The following DLGAP2 variants were observed in gnomAD, a reference collection of about 807,000 sequenced individuals.
The protein encoded by DLGAP2 is disks large-associated protein 2.
In DLGAP2, 26 loss-of-function variants were observed where a neutral mutation model predicts 100.3. The observed-to-expected ratio is 0.26, with a 90% CI of 0.19 to 0.36. DLGAP2 has a LOEUF of 0.36. Ranked by LOEUF, DLGAP2 falls within the 10% of genes least tolerant of loss-of-function variation. The pLI, the probability that DLGAP2 is intolerant of heterozygous loss-of-function variation, is 1.00. For synonymous variants in DLGAP2, 886 were observed against 630.1 expected (o/e 1.41, Z -6.08); for missense variants, 1,858 against 1,453.2 (o/e 1.28, Z -4.53).
intron 2 of DLGAP2, among the ~76,000 whole-genome samples, chr8:1,230,538 C>T (rs569548424): frequency 6.6e-6 from 1 of 152,232 alleles, no homozygotes; most frequent in East Asian, 1.9e-4. Context: ...AACCAAAAAG[C>T]TCGAATAGCC....
At position 923,567 on chromosome 8, in the gene DLGAP2, A is replaced by G. The variant is rs144807955; in HGVS notation, c.73+15601A>G. ...TTAGGATATTCGCTAAGAAGGAAAC[A>G]GGGGGTGACGTTTAAGTGTATCTTT... On this transcript the variant is annotated intron_variant, in intron 2 of 14. Coordinates refer to ENST00000637795, the MANE Select transcript of DLGAP2 (RefSeq NM_001346810.2). Among the ~76,000 whole-genome samples the G allele has an allele frequency of 1.5e-3, 233 of 151,728 alleles. 3 individuals carry two copies. The highest frequency in any genetic ancestry group is 5.3e-3 in the African/African-American group (218 of 41,104).
At position 1,653,300 on chromosome 8, in the gene DLGAP2, G is replaced by T. The variant is rs553980806; in HGVS notation, c.1811-15029G>T. Among the ~76,000 whole-genome samples, 37 of 152,302 alleles carry T rather than the reference G, an allele frequency of 2.4e-4. 2 individuals are homozygous for T. The South Asian group carries it at 7.1e-3, about 29-fold the overall frequency. ...CATTGGTTCTTGGTGCTGGCCCTGC[G>T]GGTGGGGTAGGGAGCCGACAATCCT... On this transcript the variant is annotated intron_variant, in intron 8 of 14. Coordinates refer to ENST00000637795, the MANE Select transcript of DLGAP2 (RefSeq NM_001346810.2).
intron 3 of DLGAP2, among the ~76,000 whole-genome samples, chr8:1,348,653 C>G (rs920670860): frequency 6.6e-6 from 1 of 152,206 alleles, no homozygotes; most frequent in Admixed American, 6.5e-5. Flanking sequence ...CTGCATTGCT[C>G]TCATGGTGGC....
intron 2 of DLGAP2, among the ~76,000 whole-genome samples, chr8:1,142,033 T>C (rs1369719796): frequency 2.0e-5 from 3 of 151,982 alleles, no homozygotes; most frequent in African/African-American, 7.2e-5. Flanking sequence ...TTCTGCTTTT[T>C]AGATGATTCA....
At chr8:1,599,498 C>T (rs140921740) in intron 6 of DLGAP2, among the ~76,000 whole-genome samples, 7 of 152,228 alleles carry the variant, frequency 4.6e-5, no homozygotes, top group African/African-American at 1.7e-4. Flanking sequence ...GAGTCTAAGT[C>T]TCTTTGTAGG....
At chr8:1,237,715 A>G (rs1229653618) in intron 2 of DLGAP2, among the ~76,000 whole-genome samples, 2,274 of 23,116 alleles carry the variant, frequency 0.098, 1 homozygote, top group Middle Eastern at 0.21. Context: ...ACATGGTGCC[A>G]TGTCTAGTTC....
intron 3 of DLGAP2, among the ~76,000 whole-genome samples, chr8:1,305,263 A>G (rs750854448): frequency 2.0e-5 from 3 of 152,194 alleles, no homozygotes; most frequent in Non-Finnish European, 4.4e-5. Flanking sequence ...GAGAGACAGC[A>G]TATGTGAGGT....
intron 2 of DLGAP2, among the ~76,000 whole-genome samples, chr8:1,243,208 G>A (rs77626393): frequency 0.04 from 6,129 of 152,260 alleles, 273 homozygotes; most frequent in African/African-American, 0.1. Flanking sequence ...GTGAGGACCC[G>A]CCTGGCCTTC....
chr8:1,492,722 AG>A (rs374446599), intron 3 of DLGAP2, among the ~76,000 whole-genome samples: 7 of 152,288 alleles, frequency 4.6e-5, no homozygotes, highest in African/African-American at 1.7e-4. Context: ...ACTTCCAACC[AG>A]GCACCTTCCC....
intron 3 of DLGAP2, among the ~76,000 whole-genome samples, chr8:1,408,371 A>G (rs1452732943): frequency 1.3e-5 from 2 of 152,144 alleles, no homozygotes; most frequent in African/African-American, 2.4e-5. Flanking sequence ...TCAGGGGAGA[A>G]ATCAGTTCCA....
chr8:1,110,812 C>T lies in DLGAP2; in HGVS notation c.74-148039C>T, dbSNP rs571841098. On this transcript the variant is annotated intron_variant, in intron 2 of 14. Transcript: ENST00000637795. ...TCTCTCACATACAGCTTTCTATATTCACCCTGCACAGCCCTGACCCCCGGG... is the reference window on the plus strand; with the variant it reads ...TCTCTCACATACAGCTTTCTATATTTACCCTGCACAGCCCTGACCCCCGGG... 6.0e-5 allele frequency among the ~76,000 whole-genome samples: 9 copies of T among 149,394 alleles called. No homozygotes were observed. The South Asian group carries it at 2.0e-3, about 32-fold the overall frequency.
chr8:1,267,658 G>A (rs1799494566), intron 3 of DLGAP2, among the ~76,000 whole-genome samples: 2 of 150,666 alleles, frequency 1.3e-5, no homozygotes. Flanking sequence ...GGCCTCCAGG[G>A]TCAGCTCAGA....
intron 2 of DLGAP2, among the ~76,000 whole-genome samples, chr8:954,684 G>T (rs1563112343): frequency 1.3e-5 from 2 of 152,070 alleles, no homozygotes; most frequent in African/African-American, 2.4e-5. Context: ...TATTGATTAT[G>T]GTTACATATA....
At chr8:1,369,499 C>T (rs1194995377) in intron 3 of DLGAP2, 1 of 152,224 alleles carries the variant, frequency 6.6e-6, no homozygotes, top group African/African-American at 2.4e-5. Context: ...CAGCCCCTCA[C>T]AGTTGGTTTT....
chr8:1,627,000 G>A (rs1797522654), intron 7 of DLGAP2, 113 bp downstream of exon 7: 1 of 1,324,322 alleles, frequency 7.6e-7, no homozygotes. Flanking sequence ...AGCAGCACTT[G>A]GGCAAGGCTA....
chr8:1,280,709 C>T (rs1030311290), intron 3 of DLGAP2, among the ~76,000 whole-genome samples: 2 of 152,140 alleles, frequency 1.3e-5, no homozygotes, highest in African/African-American at 2.4e-5. Context: ...AGCTTGGTGC[C>T]ACCTTCATCT....
intron 3 of DLGAP2, among the ~76,000 whole-genome samples, chr8:1,281,248 C>T (rs6995458): frequency 0.43 from 65,200 of 152,112 alleles, 15,502 homozygotes; most frequent in African/African-American, 0.65. Context: ...CCTTCAAAGT[C>T]GTAGATGTGG....
intron 2 of DLGAP2, among the ~76,000 whole-genome samples, chr8:1,169,770 A>G (rs1353649970): frequency 1.3e-5 from 2 of 151,818 alleles, no homozygotes; most frequent in Non-Finnish European, 1.5e-5. Flanking sequence ...TATCAGCTTA[A>G]GGAGATTTTG....
chr8:1,339,475 C>T (rs73170474), intron 3 of DLGAP2, among the ~76,000 whole-genome samples: 1 of 152,190 alleles, frequency 6.6e-6, no homozygotes, highest in East Asian at 1.9e-4. Flanking sequence ...CAGGGACCCT[C>T]CCTTGGTGAG....
Sources: gnomAD v4.1 joint callset for allele counts (sites outside exome capture counted in the v4.1 genomes callset) on GRCh38, gnomAD v4.1.1 for gene constraint, MANE v1.5 for transcripts, NCBI Gene and HGNC (gene_info 2026-07-23, HGNC 2026-07-21) for gene names.